MILR1: variants seen among roughly 807,000 people sequenced by gnomAD.
MILR1 encodes the protein mast cell immunoglobulin like receptor 1.
MILR1 carries 31 observed loss-of-function variants against 18.5 expected under a neutral mutation model. That is an observed-to-expected ratio of 1.68 (90% CI 1.26 to 2.26). The LOEUF (loss-of-function observed/expected upper bound fraction) is 2.26, where lower values mean the gene tolerates loss of function less well. MILR1 is among the 30% of genes most tolerant of loss of function. The pLI is 0.00. For synonymous variants in MILR1, 85 were observed against 56.2 expected, an observed-to-expected ratio of 1.51 and a Z score of -2.30; for missense variants, 257 against 157.4, an observed-to-expected ratio of 1.63 and a Z score of -3.38.
chr17:64,457,752 C>A (rs1197791357), intron 4 of MILR1, 68 bp downstream of exon 4: 1 of 464,822 alleles, frequency 2.2e-6, no homozygotes, highest in Non-Finnish European at 3.9e-6. Flanking sequence ...TGCTCCTCTG[C>A]CCACCCATTT....
chr17:64,476,608 T>C, the MILR1 span, among the ~76,000 whole-genome samples: 1 of 152,144 alleles, frequency 6.6e-6, no homozygotes, highest in African/African-American at 2.4e-5. Flanking sequence ...AGGTTGATTG[T>C]TGTTGGTGCT....
the MILR1 span, chr17:64,497,186 A>C: frequency 1.6e-6 from 1 of 622,316 alleles, no homozygotes; most frequent in Non-Finnish European, 2.9e-6. Context: ...GTTCTCTGCT[A>C]GCTTGCCGTT....
At chr17:64,491,455 A>T in the MILR1 span, 1 of 935,220 alleles carries the variant, frequency 1.1e-6, no homozygotes, top group East Asian at 2.5e-5. Context: ...AGTTGCAGTG[A>T]GCTGTGATTG....
At chr17:64,497,019 C>A in the MILR1 span, 1 of 1,517,160 alleles carries the variant, frequency 6.6e-7, no homozygotes, top group African/African-American at 1.4e-5. Context: ...CGGATCCCAA[C>A]AAGCCACCAC....
intron 2 of MILR1, among the ~76,000 whole-genome samples, chr17:64,450,129 G>A (rs921822859): frequency 4.6e-5 from 7 of 151,902 alleles, no homozygotes; most frequent in Admixed American, 2.6e-4. Context: ...TTGTAGAGAC[G>A]GGGTTTCACA....
the MILR1 span, among the ~76,000 whole-genome samples, chr17:64,488,379 ACTCT>A: frequency 6.6e-6 from 1 of 152,054 alleles, no homozygotes; most frequent in African/African-American, 2.4e-5. Context: ...CAATAGGAAA[ACTCT>A]TCATTAGTGA....
the MILR1 span, chr17:64,497,088 G>T: frequency 5.7e-6 from 6 of 1,060,620 alleles, no homozygotes; most frequent in East Asian, 1.0e-4. Flanking sequence ...GAGCGTGCTT[G>T]CGGGCGGCAG....
chr17:64,492,687 G>T, the MILR1 span: 1 of 1,608,640 alleles, frequency 6.2e-7, no homozygotes. Flanking sequence ...CACTGGAGTC[G>T]ATGACGTAAC....
the MILR1 span, among the ~76,000 whole-genome samples, chr17:64,480,704 CAG>C: frequency 6.6e-6 from 1 of 151,944 alleles, no homozygotes; most frequent in African/African-American, 2.4e-5. Context: ...CAGATTCTGT[CAG>C]AAAAAAACCA....
At chr17:64,460,796 C>A in intron 4 of MILR1, 26 bp from the exon 5 acceptor site, 2 of 474,172 alleles carry the variant, frequency 4.2e-6, no homozygotes, top group South Asian at 1.4e-4. Context: ...ATGCTATGGT[C>A]ACCAATGGAT....
intron 5 of MILR1, among the ~76,000 whole-genome samples, chr17:64,462,827 T>C (rs1320349247): frequency 5.3e-5 from 8 of 152,066 alleles, no homozygotes; most frequent in African/African-American, 1.9e-4. Flanking sequence ...GGTTTCACCA[T>C]GTTGGTCAGG....
chr17:64,496,416 G>C, the MILR1 span: 2 of 1,574,390 alleles, frequency 1.3e-6, no homozygotes, highest in African/African-American at 2.7e-5. Context: ...CCGTGAAGAA[G>C]GTTCTCCCGT....
the MILR1 span, among the ~76,000 whole-genome samples, chr17:64,475,322 A>C: frequency 6.6e-6 from 1 of 152,146 alleles, no homozygotes; most frequent in Non-Finnish European, 1.5e-5. Context: ...TAGGTAAGCA[A>C]ATACTCGGTG....
the MILR1 span, among the ~76,000 whole-genome samples, chr17:64,492,222 C>A: frequency 2.6e-5 from 4 of 152,080 alleles, no homozygotes; most frequent in African/African-American, 4.8e-5. Flanking sequence ...ATGTTTGAGT[C>A]GGGAAATGGT....
At chr17:64,486,914 AGAG>A in the MILR1 span, 1 of 152,248 alleles carries the variant, frequency 6.6e-6, no homozygotes, top group South Asian at 2.1e-4. Flanking sequence ...TCTAAACTGA[AGAG>A]GAATCATTTC....
At chr17:64,473,337 G>C (rs8072051), downstream of MILR1, among the ~76,000 whole-genome samples, 39,839 of 147,342 alleles carry the variant, frequency 0.27, 10,546 homozygotes, top group African/African-American at 0.69. Flanking sequence ...GGCGACAGAG[G>C]AAGGCTCCGT....
chr17:64,481,384 C>T, the MILR1 span: 69 of 985,128 alleles, frequency 7.0e-5, no homozygotes, highest in Non-Finnish European at 8.1e-5. Flanking sequence ...TTTTAGTGTC[C>T]GCATTCAGGT....
the MILR1 span, chr17:64,496,451 T>C: frequency 6.3e-7 from 1 of 1,593,906 alleles, no homozygotes; most frequent in South Asian, 1.1e-5. Flanking sequence ...TTTTAATACG[T>C]TCTCAAGAAA....
the MILR1 span, among the ~76,000 whole-genome samples, chr17:64,491,149 G>A: frequency 6.6e-6 from 1 of 151,898 alleles, no homozygotes; most frequent in Non-Finnish European, 1.5e-5. Context: ...TTTGAGATGT[G>A]TCTCATTCTG....
Sources: gnomAD v4.1 joint callset for allele counts (sites outside exome capture counted in the v4.1 genomes callset) on GRCh38, gnomAD v4.1.1 for gene constraint, MANE v1.5 for transcripts, NCBI Gene and HGNC (gene_info 2026-07-23, HGNC 2026-07-21) for gene names.